The following ARHGEF10L variants were observed in gnomAD, a reference collection of about 807,000 sequenced individuals.
The protein encoded by ARHGEF10L is Rho guanine nucleotide exchange factor 10 like.
ARHGEF10L carries 69 observed loss-of-function variants against 141.2 expected under a neutral mutation model. That is an observed-to-expected ratio of 0.49 (90% CI 0.40 to 0.60). ARHGEF10L has a LOEUF of 0.60. Ranked by LOEUF, ARHGEF10L falls within the 20% of genes least tolerant of loss-of-function variation. The pLI is 0.00. For missense variants in ARHGEF10L, 1,482 were observed against 1,734.3 expected (o/e 0.85, Z 2.58); for synonymous variants, 711 against 718.5 (o/e 0.99, Z 0.17).
intron 15 of ARHGEF10L, 62 bp from the exon 16 acceptor site, chr1:17,632,259 T>TC: frequency 6.3e-7 from 1 of 1,598,286 alleles, no homozygotes; most frequent in Non-Finnish European, 8.5e-7. Flanking sequence ...ATTCTGGGTC[T>TC]CCGGCGCGGT....
intron 8 of ARHGEF10L, among the ~76,000 whole-genome samples, chr1:17,614,198 A>G (rs1358752542): frequency 6.6e-6 from 1 of 151,990 alleles, no homozygotes; most frequent in African/African-American, 2.4e-5. Context: ...TTGGAATGTG[A>G]AGCCTTCCAG....
chr1:17,628,129 G>A (rs997202786), intron 15 of ARHGEF10L, among the ~76,000 whole-genome samples: 1 of 152,068 alleles, frequency 6.6e-6, no homozygotes, highest in Non-Finnish European at 1.5e-5. Context: ...CCTGAGGTCA[G>A]GAGTTCGAGA....
chr1:17,582,235 C>T (rs537609291), intron 2 of ARHGEF10L, among the ~76,000 whole-genome samples: 2 of 152,220 alleles, frequency 1.3e-5, no homozygotes, highest in South Asian at 2.1e-4. Flanking sequence ...TGCCCCATCC[C>T]GCCCCTGCTG....
chr1:17,618,751 C>T (rs958434120), intron 9 of ARHGEF10L, among the ~76,000 whole-genome samples: 7 of 152,326 alleles, frequency 4.6e-5, no homozygotes, highest in African/African-American at 1.4e-4. Flanking sequence ...CTCCCACTCT[C>T]AGAGGCTTGG....
chr1:17,527,779 C>T, the ARHGEF10L span, among the ~76,000 whole-genome samples: 14 of 151,958 alleles, frequency 9.2e-5, no homozygotes, highest in Admixed American at 2.6e-4. Flanking sequence ...ATCCAGTTTC[C>T]GACCTATTCA....
intron 1 of ARHGEF10L, among the ~76,000 whole-genome samples, chr1:17,550,253 T>C (rs1275296822): frequency 6.6e-6 from 1 of 152,186 alleles, no homozygotes; most frequent in Non-Finnish European, 1.5e-5. Flanking sequence ...GGTGGTGTCA[T>C]GAAAGGAGAC....
At chr1:17,541,705 T>A (rs2076734444) in intron 1 of ARHGEF10L, among the ~76,000 whole-genome samples, 1 of 152,114 alleles carries the variant, frequency 6.6e-6, no homozygotes, top group African/African-American at 2.4e-5. Context: ...CAGTAGCTCA[T>A]GTCTGTAATC....
intron 2 of ARHGEF10L, 131 bp downstream of exon 2, chr1:17,580,763 C>A: frequency 1.9e-6 from 2 of 1,053,516 alleles, no homozygotes; most frequent in Non-Finnish European, 2.9e-6. Context: ...GCTGGCCCTG[C>A]CTGGGCCGCA....
At chr1:17,667,558 T>C (rs1313755215) in intron 26 of ARHGEF10L, among the ~76,000 whole-genome samples, 1 of 152,154 alleles carries the variant, frequency 6.6e-6, no homozygotes, top group Admixed American at 6.5e-5. Flanking sequence ...AGTAGGAGAA[T>C]TGGGGCACAC....
rs531851583 is a variant in ARHGEF10L at position 17,673,347 on chromosome 1, G to A, written c.3009+8752G>A. Among the ~76,000 whole-genome samples, 73 of 152,192 alleles carry A rather than the reference G, an allele frequency of 4.8e-4. No individual in the cohort carries two copies. Among genetic ancestry groups the A allele is most frequent in the South Asian group, 1.5e-3 (7 of 4,818 alleles). ...CCCTCTGAGCCCGGCAGCAGGGAGAGGGGGAGGGCAGATGCCCAAGGGGCA... is the reference window on the plus strand; with the variant it reads ...CCCTCTGAGCCCGGCAGCAGGGAGAAGGGGAGGGCAGATGCCCAAGGGGCA... On this transcript the variant is annotated intron_variant, in intron 26 of 28. Coordinates refer to ENST00000361221, the MANE Select transcript of ARHGEF10L (RefSeq NM_018125.4). The surrounding 1 kb of genome is among the most constrained non-coding windows in gnomAD (Gnocchi z 4.1).
chr1:17,559,462 G>A (rs2100813707), intron 1 of ARHGEF10L, among the ~76,000 whole-genome samples: 1 of 152,276 alleles, frequency 6.6e-6, no homozygotes, highest in African/African-American at 2.4e-5. Context: ...TCAATGCTCT[G>A]AGCTCAGATT....
chr1:17,589,751 G>A (rs1267690560), intron 4 of ARHGEF10L, among the ~76,000 whole-genome samples: 3 of 152,208 alleles, frequency 2.0e-5, no homozygotes, highest in Non-Finnish European at 4.4e-5. Flanking sequence ...GATGGCTGCA[G>A]TCTTCCAAGG....
At chr1:17,599,507 G>A (rs1229764228) in intron 4 of ARHGEF10L, among the ~76,000 whole-genome samples, 4 of 152,250 alleles carry the variant, frequency 2.6e-5, no homozygotes, top group East Asian at 1.9e-4. Flanking sequence ...TGTTCCAGCC[G>A]GAAGAGTTTG....
At chr1:17,549,950 C>G (rs372266269) in intron 1 of ARHGEF10L, among the ~76,000 whole-genome samples, 1 of 152,160 alleles carries the variant, frequency 6.6e-6, no homozygotes, top group Non-Finnish European at 1.5e-5. Flanking sequence ...AACAAGACTA[C>G]GAACATTTGC....
At position 17,624,400 on chromosome 1, in the gene ARHGEF10L, T is replaced by C; in HGVS notation, c.1214T>C (p.Met405Thr). The change falls in exon 13 of 29, where the codon ATG (methionine) becomes ACG (threonine). Residue 405 changes from methionine (M) to threonine (T), a missense_variant. Physicochemically the swap from Met to Thr is moderately conservative, Grantham distance 81 (BLOSUM62 -1). Transcript: ENST00000361221. ...DLFVASFSKS[M>T]VLDVYSDYVN... Reference sequence around the variant, plus strand: ...GCCTTGTTTCAGTTTTCCAAGTCCATGGTGCTAGATGTGTACAGTGACTAC... The same window carrying C: ...GCCTTGTTTCAGTTTTCCAAGTCCACGGTGCTAGATGTGTACAGTGACTAC... The C allele has an allele frequency of 1.2e-6, 2 of 1,613,946 alleles. No homozygotes were observed. Among genetic ancestry groups the C allele is most frequent in the East Asian group, 2.2e-5 (1 of 44,872 alleles).
rs113018218 is a variant in ARHGEF10L, at chr1:17,619,679, C to T, written c.942+234C>T. Reference sequence around the variant, plus strand: ...CTGTTGGTTTTGGGGGGTGGGCTCCCGGCATCTAGAACGCTTGCGTCCCCC... The same window carrying T: ...CTGTTGGTTTTGGGGGGTGGGCTCCTGGCATCTAGAACGCTTGCGTCCCCC... On this transcript the variant is annotated intron_variant, in intron 10 of 28. Coordinates refer to ENST00000361221, the MANE Select transcript of ARHGEF10L (RefSeq NM_018125.4). The surrounding 1 kb of genome is among the most constrained non-coding windows in gnomAD (Gnocchi z 5.0). 3.0e-3 allele frequency among the ~76,000 whole-genome samples: 458 copies of T among 152,230 alleles called. 5 individuals are homozygous for T. The highest frequency in any genetic ancestry group is 0.01 in the African/African-American group (419 of 41,548).
chr1:17,682,082 G>A (rs1489060522), intron 26 of ARHGEF10L, among the ~76,000 whole-genome samples: 1 of 151,830 alleles, frequency 6.6e-6, no homozygotes, highest in Non-Finnish European at 1.5e-5. Flanking sequence ...GGACCCCTTC[G>A]TGTTGGCTCC....
chr1:17,681,621 T>C (rs79923328), intron 26 of ARHGEF10L, among the ~76,000 whole-genome samples: 22,173 of 152,014 alleles, frequency 0.15, 1,715 homozygotes, highest in Non-Finnish European at 0.17. Flanking sequence ...CCAGGTGCTG[T>C]GGGGCTGGGG....
At chr1:17,581,589 C>G (rs2078571949) in intron 2 of ARHGEF10L, among the ~76,000 whole-genome samples, 1 of 152,000 alleles carries the variant, frequency 6.6e-6, no homozygotes, top group Non-Finnish European at 1.5e-5. Flanking sequence ...GTCCTCAGCC[C>G]CATCTGAGTT....
Sources: allele counts gnomAD v4.1 joint callset (sites outside exome capture counted in the v4.1 genomes callset), GRCh38; gene constraint gnomAD v4.1.1; non-coding constraint Gnocchi (gnomAD v3.1); transcripts MANE v1.5; gene names NCBI Gene and HGNC (gene_info 2026-07-23, HGNC 2026-07-21).